Variants in PGCKA1 observed in about 807,000 individuals in gnomAD.
PGCKA1 encodes the protein PDCD10 and GCKIII kinases associated 1.
chr4:37,544,927 G>A, the PGCKA1 span, among the ~76,000 whole-genome samples: 1 of 150,574 alleles, frequency 6.6e-6, no homozygotes, highest in Non-Finnish European at 1.5e-5. Flanking sequence ...GTATGATCTT[G>A]GGGGCACAAC....
the PGCKA1 span, chr4:37,588,738 G>A: frequency 1.3e-6 from 1 of 764,928 alleles, no homozygotes; most frequent in South Asian, 1.7e-5. Context: ...GCCAAAATGT[G>A]TGACTCTCTT....
the PGCKA1 span, among the ~76,000 whole-genome samples, chr4:37,545,470 A>T: frequency 6.6e-6 from 1 of 151,940 alleles, no homozygotes; most frequent in African/African-American, 2.4e-5. Context: ...CTTCTTAAAA[A>T]CCTTCCAAAC....
the PGCKA1 span, among the ~76,000 whole-genome samples, chr4:37,589,413 A>G: frequency 6.6e-6 from 1 of 152,184 alleles, no homozygotes; most frequent in South Asian, 2.1e-4. Context: ...TTCAAAAACT[A>G]TGTATTGTAA....
the PGCKA1 span, chr4:37,460,642 G>T: frequency 2.2e-6 from 1 of 444,640 alleles, no homozygotes; most frequent in Non-Finnish European, 4.5e-6. Context: ...CTTTTGAGAA[G>T]TGTCTGTTCA....
the PGCKA1 span, among the ~76,000 whole-genome samples, chr4:37,567,024 A>G: frequency 1.2e-3 from 177 of 152,268 alleles, no homozygotes; most frequent in African/African-American, 4.1e-3. Context: ...TGCAAAAGCT[A>G]TTGGAGCACA....
chr4:37,582,446 C>T, the PGCKA1 span, among the ~76,000 whole-genome samples: 3 of 152,136 alleles, frequency 2.0e-5, no homozygotes, highest in Non-Finnish European at 4.4e-5. Context: ...AATCTACAGA[C>T]CTTATTCAGA....
the PGCKA1 span, chr4:37,588,644 G>T: frequency 1.9e-6 from 1 of 527,714 alleles, no homozygotes; most frequent in Non-Finnish European, 3.4e-6. Context: ...GTCAGTGAAC[G>T]TTTGAGAACT....
At chr4:37,510,983 C>A in the PGCKA1 span, among the ~76,000 whole-genome samples, 1 of 151,856 alleles carries the variant, frequency 6.6e-6, no homozygotes, top group Non-Finnish European at 1.5e-5. Flanking sequence ...CCATTGCCAC[C>A]ACCACCACAG....
At chr4:37,465,018 C>T in the PGCKA1 span, among the ~76,000 whole-genome samples, 4 of 152,276 alleles carry the variant, frequency 2.6e-5, no homozygotes, top group Admixed American at 1.3e-4. Flanking sequence ...AGCTCAAGAA[C>T]GTGACCTTTT....
chr4:37,525,118 G>A, the PGCKA1 span, among the ~76,000 whole-genome samples: 1 of 152,202 alleles, frequency 6.6e-6, no homozygotes, highest in Admixed American at 6.5e-5. Context: ...CTCTGGGATA[G>A]GAAAGGGACA....
chr4:37,455,020 G>T, the PGCKA1 span, among the ~76,000 whole-genome samples: 1 of 152,110 alleles, frequency 6.6e-6, no homozygotes, highest in Non-Finnish European at 1.5e-5. Context: ...AAAGAATTAC[G>T]GATGGTCCTT....
At chr4:37,496,857 C>T in the PGCKA1 span, among the ~76,000 whole-genome samples, 2 of 152,030 alleles carry the variant, frequency 1.3e-5, no homozygotes, top group African/African-American at 4.8e-5. Context: ...CTTTTTGTGG[C>T]CGTTGTGAAT....
chr4:37,481,456 C>G, the PGCKA1 span, among the ~76,000 whole-genome samples: 1 of 54,806 alleles, frequency 1.8e-5, no homozygotes, highest in African/African-American at 5.7e-5. Flanking sequence ...CAGAGCAAGA[C>G]CTGTCTCCAA....
At chr4:37,459,132 A>C in the PGCKA1 span, among the ~76,000 whole-genome samples, 1 of 152,288 alleles carries the variant, frequency 6.6e-6, no homozygotes, top group African/African-American at 2.4e-5. Context: ...TATACGGCTC[A>C]GAGTTTTGCG....
the PGCKA1 span, among the ~76,000 whole-genome samples, chr4:37,586,816 A>G: frequency 6.6e-6 from 1 of 152,316 alleles, no homozygotes; most frequent in East Asian, 1.9e-4. Flanking sequence ...AGGCTGAGGC[A>G]GGAGAATCAC....
chr4:37,546,980 C>A, the PGCKA1 span, among the ~76,000 whole-genome samples: 1 of 152,214 alleles, frequency 6.6e-6, no homozygotes, highest in African/African-American at 2.4e-5. Flanking sequence ...GCCTGATCAC[C>A]CACGGCATGC....
the PGCKA1 span, among the ~76,000 whole-genome samples, chr4:37,565,511 C>T: frequency 1.3e-5 from 2 of 152,266 alleles, no homozygotes; most frequent in East Asian, 1.9e-4. Flanking sequence ...CAGACACCTT[C>T]CTCCCCCAGG....
chr4:37,514,772 C>T, the PGCKA1 span, among the ~76,000 whole-genome samples: 2,427 of 152,278 alleles, frequency 0.016, 65 homozygotes, highest in African/African-American at 0.055. Flanking sequence ...TCTCCTACCC[C>T]ACTTGGCATT....
At chr4:37,467,886 G>A in the PGCKA1 span, among the ~76,000 whole-genome samples, 2 of 152,178 alleles carry the variant, frequency 1.3e-5, no homozygotes, top group Admixed American at 6.5e-5. Context: ...CAGATCTGAG[G>A]CAACACTAAA....
Sources: gnomAD v4.1 joint callset for allele counts (sites outside exome capture counted in the v4.1 genomes callset) on GRCh38, gnomAD v4.1.1 for gene constraint, MANE v1.5 for transcripts, NCBI Gene and HGNC (gene_info 2026-07-23, HGNC 2026-07-21) for gene names.